LINGO1: variants seen among roughly 807,000 people sequenced by gnomAD.
LINGO1 encodes the protein leucine-rich repeat and immunoglobulin-like domain-containing nogo receptor-interacting protein 1.
In LINGO1, 11 loss-of-function variants were observed where a neutral mutation model predicts 37.3. That is an observed-to-expected ratio of 0.29 (90% CI 0.19 to 0.49). The LOEUF is 0.49. LINGO1 is among the 20% of genes least tolerant of loss of function. The pLI is 0.99. For missense variants in LINGO1, 585 were observed against 878.2 expected, an observed-to-expected ratio of 0.67 and a Z score of 4.22; for synonymous variants, 387 against 403.0, an observed-to-expected ratio of 0.96 and a Z score of 0.48.
intron 3 of LINGO1, among the ~76,000 whole-genome samples, chr15:77,656,550 C>T (rs2074870905): frequency 6.6e-6 from 1 of 152,156 alleles, no homozygotes; most frequent in South Asian, 2.1e-4. Flanking sequence ...CTCAGAGGGG[C>T]CTTGGGGTCT....
chr15:77,630,225 G>A (rs969256890), intron 1 of LINGO1, among the ~76,000 whole-genome samples: 24 of 151,180 alleles, frequency 1.6e-4, no homozygotes, highest in Admixed American at 2.6e-4. Flanking sequence ...CACTGGACAC[G>A]CTGCCTCATG....
chr15:77,643,875 T>C (rs28503184), intron 3 of LINGO1, among the ~76,000 whole-genome samples: 30,668 of 151,710 alleles, frequency 0.2, 6,644 homozygotes, highest in African/African-American at 0.55. Flanking sequence ...GAAATGGGGG[T>C]GGGGGTGCAA....
At chr15:77,672,871 A>C (rs2075273981) in intron 3 of LINGO1, among the ~76,000 whole-genome samples, 1 of 152,058 alleles carries the variant, frequency 6.6e-6, no homozygotes, top group African/African-American at 2.4e-5. Context: ...TCCTCACACC[A>C]ACTCTGATCA....
chr15:77,752,020 C>G (rs78732006), intron 1 of LINGO1, among the ~76,000 whole-genome samples: 5,597 of 152,336 alleles, frequency 0.037, 156 homozygotes, highest in Non-Finnish European at 0.054. Context: ...CCCAGAGAGT[C>G]AGCTGTGTCT....
upstream of LINGO1, among the ~76,000 whole-genome samples, chr15:77,636,525 G>A (rs2074399473): frequency 6.6e-6 from 1 of 150,412 alleles, no homozygotes; most frequent in South Asian, 2.1e-4. Context: ...GAGTGAGGTG[G>A]AGCCAGCATC....
At chr15:77,721,898 C>G (rs536652028) in intron 2 of LINGO1, among the ~76,000 whole-genome samples, 2 of 152,064 alleles carry the variant, frequency 1.3e-5, no homozygotes, top group Non-Finnish European at 2.9e-5. Context: ...CCACCCCAAC[C>G]TCTAACATGA....
intron 2 of LINGO1, among the ~76,000 whole-genome samples, chr15:77,688,814 C>T (rs2075555657): frequency 6.6e-6 from 1 of 152,254 alleles, no homozygotes; most frequent in Non-Finnish European, 1.5e-5. Flanking sequence ...TATTAAGCAA[C>T]TGCAAGCCAC....
intron 2 of LINGO1, chr15:77,677,217 C>T (rs2075343097): frequency 6.6e-6 from 1 of 152,402 alleles, no homozygotes; most frequent in African/African-American, 2.4e-5. Context: ...AAAGACAGGG[C>T]TTCCTGCTAC....
chr15:77,784,110 C>G (rs1225214789), intron 1 of LINGO1, among the ~76,000 whole-genome samples: 1 of 152,268 alleles, frequency 6.6e-6, no homozygotes, highest in East Asian at 1.9e-4. Context: ...GAGAGACAAT[C>G]TGTCAGGACC....
chr15:77,758,635 T>C (rs553994065), intron 1 of LINGO1, among the ~76,000 whole-genome samples: 1 of 152,146 alleles, frequency 6.6e-6, no homozygotes, highest in Non-Finnish European at 1.5e-5. Context: ...ATGAGATGCC[T>C]GGACTCAAAT....
intron 3 of LINGO1, among the ~76,000 whole-genome samples, chr15:77,673,645 C>T (rs72744595): frequency 0.12 from 18,262 of 152,238 alleles, 1,205 homozygotes; most frequent in Middle Eastern, 0.19. Flanking sequence ...GGGGTTGGGA[C>T]ATTGGTCTTT....
intron 3 of LINGO1, among the ~76,000 whole-genome samples, chr15:77,644,154 T>C (rs574455812): frequency 1.3e-5 from 2 of 152,336 alleles, no homozygotes; most frequent in African/African-American, 4.8e-5. Context: ...CGTAGCTGTG[T>C]TGTGTTGTCG....
At chr15:77,676,043 G>A (rs540082738) in intron 3 of LINGO1, among the ~76,000 whole-genome samples, 3 of 152,228 alleles carry the variant, frequency 2.0e-5, no homozygotes, top group African/African-American at 4.8e-5. Flanking sequence ...CCTGGGCTCC[G>A]CTGTCAGAGA....
At chr15:77,712,743 C>A (rs2141295320) in intron 2 of LINGO1, among the ~76,000 whole-genome samples, 1 of 152,274 alleles carries the variant, frequency 6.6e-6, no homozygotes, top group East Asian at 1.9e-4. Context: ...AAATATGAAC[C>A]CCAGTCCTCT....
At chr15:77,711,506 G>A (rs755913845) in intron 2 of LINGO1, among the ~76,000 whole-genome samples, 4 of 152,178 alleles carry the variant, frequency 2.6e-5, no homozygotes, top group Non-Finnish European at 5.9e-5. Context: ...CTGAATGAGT[G>A]TTGGTAAAGA....
intron 2 of LINGO1, among the ~76,000 whole-genome samples, chr15:77,721,746 T>C (rs2076052144): frequency 1.3e-5 from 2 of 152,236 alleles, no homozygotes; most frequent in South Asian, 4.2e-4. Context: ...GCGTTGGCCT[T>C]GGGCTTGGGG....
chr15:77,677,208 A>C (rs1252925966), intron 2 of LINGO1: 1 of 152,278 alleles, frequency 6.6e-6, no homozygotes, highest in Non-Finnish European at 1.5e-5. Flanking sequence ...TAGTGGGGCA[A>C]AGACAGGGCT....
intron 1 of LINGO1, among the ~76,000 whole-genome samples, chr15:77,810,631 C>G (rs1350600160): frequency 1.3e-5 from 2 of 152,192 alleles, no homozygotes; most frequent in African/African-American, 4.8e-5. Flanking sequence ...ACTGGCCACT[C>G]CCTGTGCCTC....
At chr15:77,810,985 T>C (rs1468511068) in intron 1 of LINGO1, among the ~76,000 whole-genome samples, 2 of 151,022 alleles carry the variant, frequency 1.3e-5, no homozygotes, top group African/African-American at 4.9e-5. Flanking sequence ...GCTCACCCCC[T>C]TGAGTTTCAC....
Sources: allele counts gnomAD v4.1 joint callset (sites outside exome capture counted in the v4.1 genomes callset), GRCh38; gene constraint gnomAD v4.1.1; transcripts MANE v1.5; gene names NCBI Gene and HGNC (gene_info 2026-07-23, HGNC 2026-07-21).